ZNF385D: variants seen among roughly 807,000 people sequenced by gnomAD.
ZNF385D encodes zinc finger protein 659.
ZNF385D carries 15 observed loss-of-function variants against 35.8 expected under a neutral mutation model. That is an observed-to-expected ratio of 0.42 (90% CI 0.28 to 0.64). The LOEUF (loss-of-function observed/expected upper bound fraction) is 0.64, where lower values mean the gene tolerates loss of function less well. Ranked by LOEUF, ZNF385D falls within the 30% of genes least tolerant of loss-of-function variation. The pLI is 0.23. For synonymous variants in ZNF385D, 212 were observed against 186.8 expected, an observed-to-expected ratio of 1.13 and a Z score of -1.10; for missense variants, 474 against 494.6, an observed-to-expected ratio of 0.96 and a Z score of 0.39.
At chr3:21,703,211 T>G (rs558685524) in intron 1 of ZNF385D, among the ~76,000 whole-genome samples, 15 of 152,252 alleles carry the variant, frequency 9.9e-5, no homozygotes, top group Non-Finnish European at 2.1e-4. Context: ...TGAAAGGCAC[T>G]TCTTACATGG....
intron 3 of ZNF385D, among the ~76,000 whole-genome samples, chr3:21,948,846 T>G (rs1408793492): frequency 6.6e-6 from 1 of 152,150 alleles, no homozygotes; most frequent in African/African-American, 2.4e-5. Context: ...AAGAAATCTG[T>G]CTTTGATCTA....
At chr3:22,046,770 T>C (rs543491567) in intron 3 of ZNF385D, among the ~76,000 whole-genome samples, 116 of 152,270 alleles carry the variant, frequency 7.6e-4, no homozygotes, top group Middle Eastern at 3.4e-3. Context: ...GCAGATATTA[T>C]ATACTGGTCA....
chr3:22,156,853 G>A (rs1362130893), intron 3 of ZNF385D, among the ~76,000 whole-genome samples: 5 of 152,106 alleles, frequency 3.3e-5, no homozygotes, highest in Non-Finnish European at 5.9e-5. Context: ...AAGACCAAAA[G>A]TCAGAGAAAC....
chr3:22,059,187 C>T (rs779160), intron 3 of ZNF385D, among the ~76,000 whole-genome samples: 80,170 of 151,896 alleles, frequency 0.53, 21,169 homozygotes, highest in East Asian at 0.65. Flanking sequence ...TGACTGCCCT[C>T]TGGTCAGGAC....
intron 3 of ZNF385D, among the ~76,000 whole-genome samples, chr3:21,843,684 A>T (rs940148275): frequency 3.3e-5 from 5 of 152,026 alleles, no homozygotes; most frequent in Admixed American, 3.3e-4. Flanking sequence ...TAAAGTCAGA[A>T]GATGATAAAG....
chr3:21,498,901 C>T (rs9831471), intron 4 of ZNF385D, among the ~76,000 whole-genome samples: 3,780 of 134,752 alleles, frequency 0.028, 162 homozygotes, highest in African/African-American at 0.098. Context: ...TGAGATCGAT[C>T]GCACCACTGC....
intron 3 of ZNF385D, among the ~76,000 whole-genome samples, chr3:22,100,560 CCTT>C (rs1200045825): frequency 2.0e-5 from 3 of 151,842 alleles, no homozygotes; most frequent in Non-Finnish European, 4.4e-5. Flanking sequence ...TGGAAATCAT[CCTT>C]CTCAGTAAAC....
intron 3 of ZNF385D, among the ~76,000 whole-genome samples, chr3:21,931,735 G>C (rs1305599532): frequency 2.0e-5 from 3 of 152,140 alleles, no homozygotes; most frequent in African/African-American, 7.2e-5. Context: ...GTATTTGGGG[G>C]ATGATAGATG....
At chr3:21,579,894 A>G (rs1315898223) in intron 2 of ZNF385D, 1 of 151,498 alleles carries the variant, frequency 6.6e-6, no homozygotes, top group Non-Finnish European at 1.5e-5. Context: ...AAGGCTACCA[A>G]TCATATCGAA....
At chr3:22,102,093 A>C (rs1345588301) in intron 3 of ZNF385D, among the ~76,000 whole-genome samples, 1 of 151,842 alleles carries the variant, frequency 6.6e-6, no homozygotes, top group African/African-American at 2.4e-5. Flanking sequence ...CAAACATGAC[A>C]AGTTTCCCTT....
At chr3:22,296,999 G>C (rs1459970068) in intron 2 of ZNF385D, among the ~76,000 whole-genome samples, 9 of 152,026 alleles carry the variant, frequency 5.9e-5, no homozygotes, top group Admixed American at 5.9e-4. Flanking sequence ...CAGGGCCTGA[G>C]GTACAAGTAT....
chr3:21,858,221 G>A (rs1052880716), intron 3 of ZNF385D, among the ~76,000 whole-genome samples: 1 of 149,968 alleles, frequency 6.7e-6, no homozygotes, highest in African/African-American at 2.4e-5. Context: ...GTCAGAAAAA[G>A]TCAAGGTCAC....
At chr3:21,530,427 T>G (rs903667286) in intron 3 of ZNF385D, among the ~76,000 whole-genome samples, 3 of 152,184 alleles carry the variant, frequency 2.0e-5, no homozygotes, top group African/African-American at 7.2e-5. Context: ...TTTGATTTAC[T>G]TACTATATCA....
intron 3 of ZNF385D, among the ~76,000 whole-genome samples, chr3:21,944,725 T>C (rs2125282822): frequency 6.7e-6 from 1 of 150,052 alleles, no homozygotes; most frequent in South Asian, 2.1e-4. Flanking sequence ...TCATTAGTGT[T>C]ATGGGATGAG....
intron 3 of ZNF385D, among the ~76,000 whole-genome samples, chr3:22,121,174 A>G (rs1703070557): frequency 6.6e-6 from 1 of 152,170 alleles, no homozygotes; most frequent in Admixed American, 6.6e-5. Context: ...CATAATTTCA[A>G]CCTTCCTCTT....
At chr3:22,100,978 T>G (rs752656926) in intron 3 of ZNF385D, among the ~76,000 whole-genome samples, 2 of 152,018 alleles carry the variant, frequency 1.3e-5, no homozygotes, top group South Asian at 4.2e-4. Context: ...TATAAATACT[T>G]GGACCCACAG....
chr3:22,028,529 G>T (rs1697710349), intron 3 of ZNF385D, among the ~76,000 whole-genome samples: 1 of 152,214 alleles, frequency 6.6e-6, no homozygotes, highest in Non-Finnish European at 1.5e-5. Context: ...CTGGTGGCAG[G>T]TTGATTATTT....
chr3:21,913,102 G>C (rs138779518), intron 3 of ZNF385D, among the ~76,000 whole-genome samples: 3 of 152,160 alleles, frequency 2.0e-5, no homozygotes, highest in East Asian at 3.9e-4. Context: ...TTACCAAATT[G>C]AATCTTTTGG....
At chr3:22,108,386 C>A (rs568252652) in intron 3 of ZNF385D, among the ~76,000 whole-genome samples, 2 of 150,372 alleles carry the variant, frequency 1.3e-5, no homozygotes, top group South Asian at 2.1e-4. Flanking sequence ...TTTGCATGAT[C>A]TGTCAAAACA....
Sources: gnomAD v4.1 joint callset for allele counts (sites outside exome capture counted in the v4.1 genomes callset) on GRCh38, gnomAD v4.1.1 for gene constraint, MANE v1.5 for transcripts, NCBI Gene and HGNC (gene_info 2026-07-23, HGNC 2026-07-21) for gene names.